Variants in NPLOC4 observed in about 807,000 individuals in gnomAD.
NPLOC4 encodes nuclear protein localization protein 4 homolog.
NPLOC4 carries 18 observed loss-of-function variants against 80.6 expected under a neutral mutation model. That is an observed-to-expected ratio of 0.22 (90% CI 0.15 to 0.33). The LOEUF is 0.33. Among genes scored for constraint, NPLOC4 ranks in the 10% least tolerant of loss-of-function variants. The pLI is 1.00. For missense variants in NPLOC4, 540 were observed against 786.1 expected (o/e 0.69, Z 3.74); for synonymous variants, 313 against 301.5 (o/e 1.04, Z -0.39).
Position 81,559,124 on chromosome 17 carries a change from A to G in NPLOC4, c.*135T>C. On this transcript the variant is annotated 3_prime_UTR_variant, in exon 17 of 17. Transcript: ENST00000331134. Reference sequence around the variant, plus strand: ...GCTGAGAAGCTTCAGTGGGTCAGGGAGCCCAGGACAGCCAGCCCCTTGTTC... The same window carrying G: ...GCTGAGAAGCTTCAGTGGGTCAGGGGGCCCAGGACAGCCAGCCCCTTGTTC... 5 of 996,472 alleles carry G rather than the reference A, an allele frequency of 5.0e-6. No individual in the cohort carries two copies. The highest frequency in any genetic ancestry group is 7.1e-6 in the Non-Finnish European group (5 of 701,142). 61.7% of individuals were successfully genotyped at this position (996,472 alleles called of 1,614,324 possible).
chr17:81,623,612 C>T (rs907900510), intron 2 of NPLOC4, among the ~76,000 whole-genome samples: 1 of 151,496 alleles, frequency 6.6e-6, no homozygotes, highest in African/African-American at 2.4e-5. Context: ...TCCTGGCTAA[C>T]ACGGTGAAAC....
At position 81,582,994 on chromosome 17, in the gene NPLOC4, G is replaced by A. The variant is rs561448311; in HGVS notation, c.1281+5950C>T. On this transcript the variant is annotated intron_variant, in intron 12 of 16. Transcript: ENST00000331134. Reference sequence around the variant, plus strand: ...CTCCTCCCTGCGGCGCCGCCCCTGCGCACTCACAACTGAGCGCCCATGTGC... The same window carrying A: ...CTCCTCCCTGCGGCGCCGCCCCTGCACACTCACAACTGAGCGCCCATGTGC... 2.2e-3 allele frequency among the ~76,000 whole-genome samples: 341 copies of A among 152,378 alleles called. 5 individuals carry two copies. The highest frequency in any genetic ancestry group is 8.0e-3 in the African/African-American group (331 of 41,598).
chr17:81,597,438 T>C, intron 9 of NPLOC4, 122 bp from the exon 10 acceptor site: 1 of 735,076 alleles, frequency 1.4e-6, no homozygotes. Context: ...ATCACGAGGT[T>C]AAGAGATCGA....
At chr17:81,585,932 C>A (rs1043446225) in intron 12 of NPLOC4, among the ~76,000 whole-genome samples, 1 of 151,652 alleles carries the variant, frequency 6.6e-6, no homozygotes, top group African/African-American at 2.4e-5. Flanking sequence ...GAAGTTGCAA[C>A]AAGCTGAGAT....
chr17:81,636,895 C>T, intron 1 of NPLOC4, 21 bp downstream of exon 1: 1 of 1,409,230 alleles, frequency 7.1e-7, no homozygotes, highest in African/African-American at 1.5e-5. Context: ...GTCCCCGCTC[C>T]CGCCCGGCCG....
intron 11 of NPLOC4, among the ~76,000 whole-genome samples, chr17:81,591,154 G>T (rs1234960876): frequency 1.3e-5 from 2 of 152,174 alleles, no homozygotes; most frequent in Non-Finnish European, 1.5e-5. Flanking sequence ...CCTGGACTGG[G>T]CTTGGCGCAG....
intron 12 of NPLOC4, among the ~76,000 whole-genome samples, chr17:81,574,669 G>A (rs973400018): frequency 7.9e-5 from 12 of 152,260 alleles, no homozygotes; most frequent in Middle Eastern, 3.4e-3. Flanking sequence ...GTGGCGCCAA[G>A]GTCTTGACAC....
intron 8 of NPLOC4, among the ~76,000 whole-genome samples, chr17:81,603,326 T>A (rs1403435842): frequency 1.3e-5 from 2 of 152,200 alleles, no homozygotes; most frequent in East Asian, 3.8e-4. Context: ...CTGGGCACAG[T>A]GGCTCCTACC....
intron 2 of NPLOC4, among the ~76,000 whole-genome samples, chr17:81,623,360 C>A (rs921201079): frequency 1.4e-5 from 2 of 145,650 alleles, no homozygotes; most frequent in East Asian, 4.3e-4. Flanking sequence ...CCCAGCTACC[C>A]GGGAGGCTGA....
chr17:81,585,170 C>CAAAAAAAAAAA (rs35473939), intron 12 of NPLOC4, among the ~76,000 whole-genome samples: 4 of 40,870 alleles, frequency 9.8e-5, no homozygotes, highest in Admixed American at 4.6e-4. Flanking sequence ...ACTCTGTCGC[C>CAAAAAAAAAAA]AAAAAAAAAA....
At chr17:81,608,958 G>T in intron 5 of NPLOC4, 136 bp from the exon 6 acceptor site, 1 of 613,072 alleles carries the variant, frequency 1.6e-6, no homozygotes, top group Non-Finnish European at 2.9e-6. Flanking sequence ...CAGGTACTAG[G>T]GTCTCCCTTA....
At position 81,572,211 on chromosome 17, in the gene NPLOC4, C is replaced by CA. The variant is rs2034180253; in HGVS notation, c.1282-124dup. ...TTATTTATTTATTTATTTTTTGAGA[C>CA]AGAGTCTTGTGCTGTCGCCCAGGCT... is the stretch of plus-strand genomic sequence containing the variant. On this transcript the variant is annotated intron_variant, in intron 12 of 16. Coordinates refer to ENST00000331134, the MANE Select transcript of NPLOC4 (RefSeq NM_017921.4). The surrounding 1 kb of genome is among the most constrained non-coding windows in gnomAD (Gnocchi z 4.5). 2.3e-6 allele frequency: 1 copy of CA among 441,110 alleles called. No homozygotes were observed. The highest frequency in any genetic ancestry group is 4.6e-5 in the Admixed American group (1 of 21,774). 27.3% of individuals were successfully genotyped at this position (441,110 alleles called of 1,614,324 possible). A position where few individuals can be genotyped will look rare whatever the true frequency, so the allele number is the denominator to read the frequency against.
In NPLOC4 at chr17:81,626,130, CAG is replaced by C. The variant is rs1477936199; in HGVS notation, c.96+3593_96+3594del. ...CGCCACTGCACTCCAGCCCAAGCGA[CAG>C]AGTGAGACTTCATCTCAAAAAAAAA... On this transcript the variant is annotated intron_variant, in intron 2 of 16. Coordinates refer to ENST00000331134, the MANE Select transcript of NPLOC4 (RefSeq NM_017921.4). Among the ~76,000 whole-genome samples, 4 of 145,224 alleles carry C rather than the reference CAG, an allele frequency of 2.8e-5. No homozygotes were observed. The Admixed American group carries it at 2.8e-4, about 10-fold the overall frequency.
intron 13 of NPLOC4, 25 bp downstream of exon 13, chr17:81,571,992 C>A: frequency 6.4e-7 from 1 of 1,574,258 alleles, no homozygotes; most frequent in East Asian, 2.3e-5. Context: ...TCCACCTGCC[C>A]AAGCTGTGCA....
chr17:81,597,446 C>G (rs1341777382), intron 9 of NPLOC4, 130 bp from the exon 10 acceptor site: 19 of 691,996 alleles, frequency 2.7e-5, no homozygotes, highest in Non-Finnish European at 4.6e-5. Context: ...GTTAAGAGAT[C>G]GAGACCATCC....
At chr17:81,618,125 G>A (rs1325466859) in intron 3 of NPLOC4, among the ~76,000 whole-genome samples, 1 of 151,418 alleles carries the variant, frequency 6.6e-6, no homozygotes, top group Non-Finnish European at 1.5e-5. Context: ...CCCATCGTCT[G>A]GGATGTGACG....
At position 81,559,231 on chromosome 17, in the gene NPLOC4, C is replaced by T. The variant is rs755532885; in HGVS notation, c.*28G>A. 29 of 1,575,116 alleles carry T rather than the reference C, an allele frequency of 1.8e-5. 1 individual carries two copies. In the East Asian group the frequency reaches 4.9e-4, roughly 26 times the overall value. On this transcript the variant is annotated 3_prime_UTR_variant, in exon 17 of 17. Transcript: ENST00000331134. ...GCTTCAGGAAGGGCTGGGCTGGGCC[C>T]GGTCCTAGCCAGCAGAGGGCAGGCG...
chr17:81,605,037 G>C (rs1258925052), intron 7 of NPLOC4, among the ~76,000 whole-genome samples: 1 of 150,502 alleles, frequency 6.6e-6, no homozygotes, highest in African/African-American at 2.4e-5. Flanking sequence ...AAGGCGGGCG[G>C]ATCATGAGGT....
At chr17:81,588,836 C>T in intron 12 of NPLOC4, 108 bp downstream of exon 12, 1 of 940,896 alleles carries the variant, frequency 1.1e-6, no homozygotes. Flanking sequence ...GGTTCAACCA[C>T]AGCTGACAAA....
Sources: gnomAD v4.1 joint callset for allele counts (sites outside exome capture counted in the v4.1 genomes callset) on GRCh38, gnomAD v4.1.1 for gene constraint, Gnocchi (gnomAD v3.1) non-coding constraint, MANE v1.5 for transcripts, NCBI Gene and HGNC (gene_info 2026-07-23, HGNC 2026-07-21) for gene names.